The following F13A1 variants were observed in gnomAD, a reference collection of about 807,000 sequenced individuals.
F13A1 encodes the protein coagulation factor XIII A chain.
In F13A1, 47 loss-of-function variants were observed where a neutral mutation model predicts 80.1. That is an observed-to-expected ratio of 0.59 (90% CI 0.46 to 0.75). F13A1 has a LOEUF of 0.75. Ranked by LOEUF, F13A1 falls within the 30% of genes least tolerant of loss-of-function variation. The probability of loss-of-function intolerance (pLI) is 0.00; values close to 1 mark genes in which losing one functional copy is unlikely to be tolerated. For synonymous variants in F13A1, 349 were observed against 344.9 expected (o/e 1.01, Z -0.13); for missense variants, 817 against 930.4 (o/e 0.88, Z 1.59).
intron 11 of F13A1, among the ~76,000 whole-genome samples, chr6:6,181,349 A>G (rs1205119212): frequency 1.3e-5 from 2 of 152,162 alleles, no homozygotes; most frequent in African/African-American, 2.4e-5. Context: ...CACCAAACCA[A>G]TTGCAGGCAT....
chr6:6,276,710 C>A (rs1349771665), intron 3 of F13A1, among the ~76,000 whole-genome samples: 2 of 152,282 alleles, frequency 1.3e-5, no homozygotes, highest in Admixed American at 6.5e-5. Context: ...CCTCTCAGTG[C>A]ATTTTCCATC....
intron 14 of F13A1, among the ~76,000 whole-genome samples, chr6:6,147,648 C>T (rs929028144): frequency 3.9e-5 from 6 of 152,234 alleles, no homozygotes; most frequent in East Asian, 3.9e-4. Flanking sequence ...GTTAAGGACC[C>T]GACCTGAGAC....
At chr6:6,204,172 C>G (rs1417015713) in intron 8 of F13A1, among the ~76,000 whole-genome samples, 2 of 152,184 alleles carry the variant, frequency 1.3e-5, no homozygotes, top group Non-Finnish European at 2.9e-5. Flanking sequence ...CTGACCTTAA[C>G]TTGGCTAACT....
chr6:6,305,411 TC>T lies in F13A1; in HGVS notation c.258del (p.Ile87LeufsTer36). ...IVRRGQSFYV[Q>X]IDFSRPYDPR... ...GGGTCATATGGACGACTGAAGTCAA[TC>T]TGCACATAGAAAGACTGCCCTCTGC... is the stretch of plus-strand genomic sequence containing the variant. On this transcript the variant is annotated frameshift_variant, in exon 3 of 15. Transcript: ENST00000264870. LOFTEE classifies it high-confidence loss of function. 1 of 1,614,220 alleles carries T rather than the reference TC, an allele frequency of 6.2e-7. No homozygotes were observed. Among genetic ancestry groups the T allele is most frequent in the Middle Eastern group, 1.6e-4 (1 of 6,062 alleles).
intron 10 of F13A1, among the ~76,000 whole-genome samples, chr6:6,190,909 C>T (rs372954603): frequency 3.6e-4 from 54 of 150,294 alleles, no homozygotes; most frequent in East Asian, 2.5e-3. Context: ...GAGCCAGGTG[C>T]GGGATATAAT....
chr6:6,259,889 T>C (rs1157440191), intron 4 of F13A1, among the ~76,000 whole-genome samples: 1 of 152,224 alleles, frequency 6.6e-6, no homozygotes, highest in African/African-American at 2.4e-5. Flanking sequence ...TCCAGAGTAC[T>C]AGGCACAGAT....
At chr6:6,298,406 G>A (rs936226547) in intron 3 of F13A1, among the ~76,000 whole-genome samples, 2 of 150,070 alleles carry the variant, frequency 1.3e-5, no homozygotes, top group Non-Finnish European at 2.9e-5. Context: ...GGTCACTCAG[G>A]ACTTGCTTTA....
intron 3 of F13A1, among the ~76,000 whole-genome samples, chr6:6,278,212 G>T (rs1381052966): frequency 6.6e-6 from 1 of 152,214 alleles, no homozygotes; most frequent in African/African-American, 2.4e-5. Flanking sequence ...GATTAATGGA[G>T]TGTATAGTCT....
chr6:6,252,159 T>G (rs535567931), intron 4 of F13A1, among the ~76,000 whole-genome samples: 2 of 152,348 alleles, frequency 1.3e-5, no homozygotes, highest in African/African-American at 4.8e-5. Context: ...TGACTCAGTT[T>G]CAGCCATAAG....
rs3024375 is a variant in F13A1 at position 6,250,351 on chromosome 6, CCCTT to C, written c.690+456_690+459del. On this transcript the variant is annotated intron_variant, in intron 5 of 14. Transcript: ENST00000264870. This position sits in a 1 kb window ranked among gnomAD's most constrained non-coding sequence, Gnocchi z 4.2. ...ATCTTTCTATGTAAAAGCTCAGTGG[CCCTT>C]CCTTTGATGAAATGATAACACTCTT... Among the ~76,000 whole-genome samples, 2,473 of 151,814 alleles carry C rather than the reference CCCTT, an allele frequency of 0.016. 59 individuals carry two copies. Among genetic ancestry groups the C allele is most frequent in the East Asian group, 0.11 (574 of 5,166 alleles).
At chr6:6,230,916 C>T (rs1273913870) in intron 6 of F13A1, among the ~76,000 whole-genome samples, 2 of 152,206 alleles carry the variant, frequency 1.3e-5, no homozygotes, top group South Asian at 2.1e-4. Flanking sequence ...GGGAACATCC[C>T]ATGGGACAAA....
At chr6:6,270,887 TGAAGA>T (rs1757910853) in intron 3 of F13A1, among the ~76,000 whole-genome samples, 1 of 151,922 alleles carries the variant, frequency 6.6e-6, no homozygotes, top group Admixed American at 6.6e-5. Flanking sequence ...ACTGAGTGAG[TGAAGA>T]GAAGGAAGAC....
intron 8 of F13A1, among the ~76,000 whole-genome samples, chr6:6,210,365 G>A (rs1434793343): frequency 2.3e-5 from 1 of 43,516 alleles, no homozygotes; most frequent in Non-Finnish European, 4.5e-5. Flanking sequence ...TTTTTTTTTA[G>A]AGGCAGTCTT....
At chr6:6,195,991 C>A in intron 9 of F13A1, 106 bp from the exon 10 acceptor site, 2 of 1,037,048 alleles carry the variant, frequency 1.9e-6, no homozygotes, top group Non-Finnish European at 3.0e-6. Context: ...CCAGTGTTCC[C>A]AACTTCATTG....
At chr6:6,300,112 A>T (rs1163819977) in intron 3 of F13A1, among the ~76,000 whole-genome samples, 6 of 144,184 alleles carry the variant, frequency 4.2e-5, no homozygotes, top group African/African-American at 1.8e-4. Context: ...CTGTTCTCAG[A>T]TCTCCAGCTG....
intron 4 of F13A1, among the ~76,000 whole-genome samples, chr6:6,251,266 TGTAC>T (rs1201285022): frequency 1.3e-5 from 2 of 152,376 alleles, no homozygotes; most frequent in South Asian, 2.1e-4. Flanking sequence ...ATGATGCTGA[TGTAC>T]GTCTCTAACA....
intron 6 of F13A1, among the ~76,000 whole-genome samples, chr6:6,231,820 C>T (rs990713499): frequency 4.6e-5 from 7 of 152,176 alleles, no homozygotes; most frequent in East Asian, 3.9e-4. Flanking sequence ...TTGTATCCAG[C>T]GAAACTAAGC....
intron 11 of F13A1, among the ~76,000 whole-genome samples, chr6:6,181,510 T>C (rs1178506196): frequency 6.6e-6 from 1 of 152,232 alleles, no homozygotes; most frequent in South Asian, 2.1e-4. Context: ...TTAGAGAGAT[T>C]GCATTGTCCT....
chr6:6,285,291 AC>A (rs1758121653), intron 3 of F13A1, among the ~76,000 whole-genome samples: 1 of 151,970 alleles, frequency 6.6e-6, no homozygotes, highest in African/African-American at 2.4e-5. Flanking sequence ...TTCCTCTTAA[AC>A]CCCCTCTGGG....
Sources: gnomAD v4.1 joint callset for allele counts (sites outside exome capture counted in the v4.1 genomes callset) on GRCh38, gnomAD v4.1.1 for gene constraint, Gnocchi (gnomAD v3.1) non-coding constraint, MANE v1.5 for transcripts, NCBI Gene and HGNC (gene_info 2026-07-23, HGNC 2026-07-21) for gene names.